The following MAML3 variants were observed in gnomAD, a reference collection of about 807,000 sequenced individuals.
MAML3 encodes mastermind like transcriptional coactivator 3, also known as mastermind-like protein 3.
A neutral mutation model predicts 101.9 loss-of-function variants in MAML3; 27 were observed. The ratio of observed to expected loss-of-function variants is 0.27; its 90% CI spans 0.20 to 0.37. MAML3 has a LOEUF of 0.37. Among genes scored for constraint, MAML3 ranks in the 10% least tolerant of loss-of-function variants. The pLI is 1.00. For missense variants in MAML3, 1,316 were observed against 1,444.9 expected (o/e 0.91, Z 1.45); for synonymous variants, 501 against 555.9 (o/e 0.90, Z 1.39).
At chr4:139,730,366 A>C (rs1728650398) in intron 3 of MAML3, 50 bp downstream of exon 3, 1 of 1,516,330 alleles carries the variant, frequency 6.6e-7, no homozygotes, top group African/African-American at 1.4e-5. Flanking sequence ...GCAGGTGCTG[A>C]ATAAGTGCTT....
At chr4:139,790,694 G>C (rs563825204) in intron 2 of MAML3, among the ~76,000 whole-genome samples, 2 of 152,136 alleles carry the variant, frequency 1.3e-5, no homozygotes, top group East Asian at 3.9e-4. Context: ...TGTCTTCAAG[G>C]TTCATCCATG....
intron 1 of MAML3, among the ~76,000 whole-genome samples, chr4:140,103,793 G>A (rs993804073): frequency 6.6e-6 from 1 of 152,152 alleles, no homozygotes; most frequent in African/African-American, 2.4e-5. Flanking sequence ...AGCTTCCTGG[G>A]CACTGCAAGC....
chr4:139,911,218 A>C (rs1423999479), intron 1 of MAML3, among the ~76,000 whole-genome samples: 1 of 143,436 alleles, frequency 7.0e-6, no homozygotes, highest in African/African-American at 2.8e-5. Flanking sequence ...GCATGTCAGA[A>C]TTTCCTTTTT....
intron 1 of MAML3, among the ~76,000 whole-genome samples, chr4:139,911,223 C>CTTT (rs111860171): frequency 1.4e-5 from 2 of 145,588 alleles, no homozygotes; most frequent in African/African-American, 5.0e-5. Context: ...TCAGAATTTC[C>CTTT]TTTTTTTTTT....
chr4:140,072,261 CTG>C (rs1727672099), intron 1 of MAML3, among the ~76,000 whole-genome samples: 1 of 152,204 alleles, frequency 6.6e-6, no homozygotes, highest in Non-Finnish European at 1.5e-5. Context: ...AAAATTATGA[CTG>C]TACTGAACAT....
At chr4:139,853,413 C>A (rs566960040) in intron 2 of MAML3, among the ~76,000 whole-genome samples, 4 of 151,852 alleles carry the variant, frequency 2.6e-5, no homozygotes, top group African/African-American at 7.3e-5. Flanking sequence ...AGGTGGGGGG[C>A]CTGCAGGTGT....
intron 2 of MAML3, among the ~76,000 whole-genome samples, chr4:139,732,664 G>A (rs1040061771): frequency 2.0e-5 from 3 of 151,184 alleles, no homozygotes; most frequent in Non-Finnish European, 4.4e-5. Context: ...ATAAGTTATC[G>A]GGGTACAGGT....
chr4:139,989,525 C>T (rs553320528), intron 1 of MAML3, among the ~76,000 whole-genome samples: 14 of 152,140 alleles, frequency 9.2e-5, no homozygotes, highest in African/African-American at 3.4e-4. Flanking sequence ...TCAGCTCAGC[C>T]ATCTTCAGTG....
intron 2 of MAML3, among the ~76,000 whole-genome samples, chr4:139,851,882 C>A (rs1290119025): frequency 3.3e-5 from 5 of 152,104 alleles, no homozygotes; most frequent in African/African-American, 9.7e-5. Flanking sequence ...GAGTGAATAG[C>A]TGAGGGATTG....
At chr4:139,948,305 A>C (rs1362254496) in intron 1 of MAML3, among the ~76,000 whole-genome samples, 1 of 152,186 alleles carries the variant, frequency 6.6e-6, no homozygotes, top group Non-Finnish European at 1.5e-5. Flanking sequence ...TGTTAAGAAC[A>C]GTTGATGGGC....
At chr4:140,122,620 G>A (rs994841802) in intron 1 of MAML3, among the ~76,000 whole-genome samples, 1 of 151,546 alleles carries the variant, frequency 6.6e-6, no homozygotes, top group Non-Finnish European at 1.5e-5. Context: ...GTGAAACCCC[G>A]TCTCTACTAA....
chr4:139,882,928 G>C (rs947240155), intron 2 of MAML3, among the ~76,000 whole-genome samples: 2 of 152,178 alleles, frequency 1.3e-5, no homozygotes, highest in Non-Finnish European at 2.9e-5. Context: ...TTAATCAAAT[G>C]TAAGGATAAA....
chr4:139,974,105 GTTTTT>G (rs34721976), intron 1 of MAML3, among the ~76,000 whole-genome samples: 3 of 125,208 alleles, frequency 2.4e-5, no homozygotes, highest in Non-Finnish European at 5.2e-5. Flanking sequence ...ACATTTAATA[GTTTTT>G]TTTTTTTTTT....
chr4:139,986,099 A>C (rs1359562098), intron 1 of MAML3, among the ~76,000 whole-genome samples: 1 of 152,236 alleles, frequency 6.6e-6, no homozygotes, highest in African/African-American at 2.4e-5. Flanking sequence ...GCAGACCAGC[A>C]TGTGCTTTCT....
At chr4:140,094,560 T>C (rs894496930) in intron 1 of MAML3, among the ~76,000 whole-genome samples, 1 of 152,232 alleles carries the variant, frequency 6.6e-6, no homozygotes, top group Non-Finnish European at 1.5e-5. Flanking sequence ...AATTTACTCC[T>C]TTCTCGCTCA....
chr4:139,771,344 T>G, intron 2 of MAML3, among the ~76,000 whole-genome samples: 1 of 152,208 alleles, frequency 6.6e-6, no homozygotes, highest in East Asian at 1.9e-4. Context: ...GGACCCTTTT[T>G]GCAGTGTCAT....
intron 4 of MAML3, among the ~76,000 whole-genome samples, chr4:139,724,280 G>A (rs1728378539): frequency 6.6e-6 from 1 of 152,196 alleles, no homozygotes; most frequent in Non-Finnish European, 1.5e-5. Context: ...CTTTCAGACT[G>A]TAAACTACAG....
intron 1 of MAML3, among the ~76,000 whole-genome samples, chr4:140,144,970 G>GAA (rs745333514): frequency 6.6e-6 from 1 of 152,234 alleles, no homozygotes; most frequent in Non-Finnish European, 1.5e-5. Context: ...AACAAACAAA[G>GAA]AAAAATAACC....
intron 1 of MAML3, among the ~76,000 whole-genome samples, chr4:139,930,369 G>A (rs1294110148): frequency 6.6e-6 from 1 of 152,086 alleles, no homozygotes; most frequent in Non-Finnish European, 1.5e-5. Context: ...AAGACCGTTC[G>A]CTGGGCTTCA....
Sources: gnomAD v4.1 joint callset for allele counts (sites outside exome capture counted in the v4.1 genomes callset) on GRCh38, gnomAD v4.1.1 for gene constraint, MANE v1.5 for transcripts, NCBI Gene and HGNC (gene_info 2026-07-23, HGNC 2026-07-21) for gene names.